STRA6: variants seen among roughly 807,000 people sequenced by gnomAD.
The protein encoded by STRA6 is receptor for retinol uptake STRA6.
In STRA6, 48 loss-of-function variants were observed where a neutral mutation model predicts 83.6. That is an observed-to-expected ratio of 0.57 (90% confidence interval 0.46 to 0.73). STRA6 has a LOEUF of 0.73. STRA6 is among the 30% of genes least tolerant of loss of function. The pLI, the probability that STRA6 is intolerant of heterozygous loss-of-function variation, is 0.00. For synonymous variants in STRA6, 353 were observed against 362.3 expected, an observed-to-expected ratio of 0.97 and a Z score of 0.29; for missense variants, 760 against 838.8, an observed-to-expected ratio of 0.91 and a Z score of 1.16.
In STRA6 at chr15:74,180,161, C is replaced by T; in HGVS notation, c.1923G>A (p.Leu641=). The T allele has an allele frequency of 6.2e-7, 1 of 1,613,986 alleles. No individual in the cohort carries two copies. Among genetic ancestry groups the T allele is most frequent in the Non-Finnish European group, 8.5e-7 (1 of 1,180,014 alleles). The part of the protein sequence containing the change: ...GASRGRARWG[L]AYTLLHNPTL... ...TTGGGTTGTGCAGCAGCGTGTAGGCCAGACCCCAGCGAGCCCTGCCGCGGC... is the reference window on the plus strand; with the variant it reads ...TTGGGTTGTGCAGCAGCGTGTAGGCTAGACCCCAGCGAGCCCTGCCGCGGC... Residue 641 remains leucine, a synonymous_variant, in exon 19 of 19, where the codon CTG becomes CTA. Transcript: ENST00000395105.
rs560148197 is a variant in STRA6, at chr15:74,179,809, C to T, written c.*271G>A. On this transcript the variant is annotated 3_prime_UTR_variant, in exon 19 of 19. Transcript: ENST00000395105. ...AGGGTAGGGAGACGCCTGGATGTGG[C>T]TGCCCTGGCTCAACTGGCTCCTGGA... 3.1e-5 allele frequency: 14 copies of T among 451,702 alleles called. No homozygotes were observed. In the East Asian group the frequency reaches 4.8e-4, roughly 15 times the overall value. 28.0% of individuals were successfully genotyped at this position (451,702 alleles called of 1,614,324 possible). A position where few individuals can be genotyped will look rare whatever the true frequency, so the allele number is the denominator to read the frequency against.
At chr15:74,210,374 C>T (rs968819304), upstream of STRA6, among the ~76,000 whole-genome samples, 3 of 152,174 alleles carry the variant, frequency 2.0e-5, no homozygotes, top group Non-Finnish European at 2.9e-5. Context: ...TCTGGACTGA[C>T]GTGGCAGAAC....
At chr15:74,197,150 C>A (rs185622850) in intron 4 of STRA6, among the ~76,000 whole-genome samples, 188 bp downstream of exon 4, 89 of 152,244 alleles carry the variant, frequency 5.8e-4, no homozygotes, top group Admixed American at 1.0e-3. Flanking sequence ...AGTCCCTCCC[C>A]CTTCCTCTGG....
At chr15:74,186,197 G>C (rs2073238625) in intron 12 of STRA6, among the ~76,000 whole-genome samples, 1 of 152,220 alleles carries the variant, frequency 6.6e-6, no homozygotes, top group Non-Finnish European at 1.5e-5. Flanking sequence ...GTGCAGTCAG[G>C]ACTGACAGCC....
intron 18 of STRA6, 77 bp from the exon 19 acceptor site, chr15:74,180,320 G>A (rs1405806050): frequency 6.3e-7 from 1 of 1,586,548 alleles, no homozygotes; most frequent in East Asian, 2.2e-5. Context: ...CCTGATCAGA[G>A]AGCCTGAAAA....
intron 7 of STRA6, chr15:74,194,994 C>G: frequency 1.4e-6 from 2 of 1,432,832 alleles, no homozygotes; most frequent in Non-Finnish European, 1.8e-6. Context: ...GCTGGGGGAT[C>G]ACTAACACAG....
chr15:74,195,249 A>G, intron 7 of STRA6, 53 bp downstream of exon 7: 2 of 1,598,954 alleles, frequency 1.3e-6, no homozygotes, highest in South Asian at 2.2e-5. Context: ...CTGTGGTTTG[A>G]GTAGGTTGCT....
rs201926976 is a variant in STRA6, at chr15:74,195,379, G to T, written c.520C>A (p.Leu174Met). Residue 174 changes from leucine to methionine, a missense_variant, in exon 7 of 19, where the codon CTG becomes ATG. By Grantham distance (15) the Leu-to-Met change is conservative. Coordinates refer to ENST00000395105, the MANE Select transcript of STRA6 (RefSeq NM_022369.4). The stretch of plus-strand genomic sequence containing the variant: ...GCCCAGGACAGCGTGCTGCCGAGCA[G>T]GTGTGCAGCTGTGTGGCCAGCCGTG... ...CATAGHTAAH[L>M]LGSTLSWAHL... 1 of 1,613,582 alleles carries T rather than the reference G, an allele frequency of 6.2e-7. No individual in the cohort carries two copies. Among genetic ancestry groups the T allele is most frequent in the African/African-American group, 1.3e-5 (1 of 74,932 alleles).
In STRA6 at chr15:74,181,468, G is replaced by A. The variant is rs1268983971; in HGVS notation, c.1521-10C>T. 1 of 1,613,426 alleles carries A rather than the reference G, an allele frequency of 6.2e-7. No homozygotes were observed. The highest frequency in any genetic ancestry group is 8.5e-7 in the Non-Finnish European group (1 of 1,179,790). On this transcript the variant is annotated splice_polypyrimidine_tract_variant and intron_variant, in intron 16 of 18. Coordinates refer to ENST00000395105, the MANE Select transcript of STRA6 (RefSeq NM_022369.4). ...TGCATAGAGCACTCGCCTAGGATGGGAGAAGAAAGCTGAGGCAGGCCGTTC... is the reference window on the plus strand; with the variant it reads ...TGCATAGAGCACTCGCCTAGGATGGAAGAAGAAAGCTGAGGCAGGCCGTTC...
chr15:74,202,111 A>T, intron 2 of STRA6, 44 bp downstream of exon 2: 2 of 1,450,194 alleles, frequency 1.4e-6, no homozygotes, highest in Non-Finnish European at 1.8e-6. Flanking sequence ...CCATCACCCC[A>T]TTCTGATGGC....
intron 11 of STRA6, among the ~76,000 whole-genome samples, chr15:74,189,492 C>A (rs900545022): frequency 6.6e-6 from 1 of 152,220 alleles, no homozygotes; most frequent in Non-Finnish European, 1.5e-5. Flanking sequence ...AAAGGCATGC[C>A]TTCGAGCACC....
rs150687411 is a variant in STRA6 at position 74,180,127 on chromosome 15, C to A, written c.1957G>T (p.Val653Phe). ...YTLLHNPTLQVFRKTALLGAN... is the reference protein window; with the variant it reads ...YTLLHNPTLQFFRKTALLGAN... ...CCCAACAGGGCCGTCTTGCGGAAGA[C>A]CTGCAGGGTTGGGTTGTGCAGCAGC... The change falls in exon 19 of 19, where the codon GTC (valine) becomes TTC (phenylalanine). Residue 653 changes from valine to phenylalanine, a missense_variant. Transcript: ENST00000395105. 6.2e-7 allele frequency: 1 copy of A among 1,613,738 alleles called. No homozygotes were observed. Among genetic ancestry groups the A allele is most frequent in the South Asian group, 1.1e-5 (1 of 91,072 alleles).
rs768223248 is a variant in STRA6 at position 74,197,810 on chromosome 15, G to A, written c.122C>T (p.Pro41Leu). 6.8e-6 allele frequency: 11 copies of A among 1,613,048 alleles called. No homozygotes were observed. In the South Asian group the frequency reaches 1.1e-4, roughly 16 times the overall value. Residue 41 changes from proline to leucine, a missense_variant, in exon 3 of 19, where the codon CCC (proline) becomes CTC (leucine). Pro to Leu is a moderately conservative substitution (Grantham distance 98, BLOSUM62 -3). Coordinates refer to ENST00000395105, the MANE Select transcript of STRA6 (RefSeq NM_022369.4). ...GGGTGGTATGCTGGTGTGGCAGGAGGGCACTTCCCTGCAGAGCAAATGAAG... is the reference window on the plus strand; with the variant it reads ...GGGTGGTATGCTGGTGTGGCAGGAGAGCACTTCCCTGCAGAGCAAATGAAG... ...GEELQPEGEV[P>L]SCHTSIPPGL...
rs1271230945 is a variant in STRA6, at chr15:74,180,038, T to C, written c.*42A>G. ...GGGAGGAGGATGGTAGGCAGGAACA[T>C]GCCTCAGCACAGATGGGCAGGTGGG... On this transcript the variant is annotated 3_prime_UTR_variant, in exon 19 of 19. Coordinates refer to ENST00000395105, the MANE Select transcript of STRA6 (RefSeq NM_022369.4). 3.1e-6 allele frequency: 5 copies of C among 1,595,650 alleles called. No individual in the cohort carries two copies. The highest frequency in any genetic ancestry group is 4.3e-6 in the Non-Finnish European group (5 of 1,165,644).
upstream of STRA6, chr15:74,209,643 A>G (rs138676653): frequency 1.4e-4 from 79 of 579,716 alleles, no homozygotes; most frequent in African/African-American, 1.2e-3. Context: ...CTTCACCCCA[A>G]GTACATGCCT....
chr15:74,182,331 T>A lies in STRA6; in HGVS notation c.1418+12A>T. 6.2e-7 allele frequency: 1 copy of A among 1,614,012 alleles called. No homozygotes were observed. The highest frequency in any genetic ancestry group is 8.5e-7 in the Non-Finnish European group (1 of 1,179,924). ...AGGAGTCCCTGAGCCCTCCATGTCT[T>A]GTTTCACTCACCACGAGGACTCCAG... is the stretch of plus-strand genomic sequence containing the variant. On this transcript the variant is annotated intron_variant, in intron 15 of 18. Coordinates refer to ENST00000395105, the MANE Select transcript of STRA6 (RefSeq NM_022369.4).
chr15:74,189,660 C>T (rs1181470462), intron 11 of STRA6, among the ~76,000 whole-genome samples: 2 of 150,992 alleles, frequency 1.3e-5, no homozygotes, highest in Non-Finnish European at 3.0e-5. Flanking sequence ...AGTAGGACAA[C>T]TTCTTCTTTT....
rs139117166 is a variant in STRA6 at position 74,191,533 on chromosome 15, C to T, written c.721-42G>A. ...TTGAACAAGCAGATGAGATCTGCCT[C>T]GACCCATTCGTGGGTCCCTGGCTCA... On this transcript the variant is annotated intron_variant, in intron 8 of 18. Transcript: ENST00000395105. 0.01 allele frequency: 15,848 copies of T among 1,563,814 alleles called. 103 individuals are homozygous for T. The highest frequency in any genetic ancestry group is 0.013 in the Non-Finnish European group (14,231 of 1,134,852).
upstream of STRA6, among the ~76,000 whole-genome samples, chr15:74,204,940 A>G (rs111459584): frequency 1.8e-3 from 280 of 151,732 alleles, no homozygotes; most frequent in African/African-American, 6.4e-3. Flanking sequence ...ATCTCAAAAA[A>G]AAAGAAAGAA....
Sources: gnomAD v4.1 joint callset for allele counts (sites outside exome capture counted in the v4.1 genomes callset) on GRCh38, gnomAD v4.1.1 for gene constraint, MANE v1.5 for transcripts, NCBI Gene and HGNC (gene_info 2026-07-23, HGNC 2026-07-21) for gene names.